Variants in MLLT3 observed in about 807,000 individuals in gnomAD.
The protein encoded by MLLT3 is MLLT3 super elongation complex subunit.
MLLT3 carries 4 observed loss-of-function variants against 53.2 expected under a neutral mutation model. The observed-to-expected ratio is 0.08, with a 90% CI of 0.04 to 0.17. The LOEUF is 0.17. Among genes scored for constraint, MLLT3 ranks in the 10% least tolerant of loss-of-function variants. The probability of loss-of-function intolerance (pLI) is 1.00; values close to 1 mark genes in which losing one functional copy is unlikely to be tolerated. For missense variants in MLLT3, 569 were observed against 684.0 expected (o/e 0.83, Z 1.87); for synonymous variants, 283 against 230.6 (o/e 1.23, Z -2.06).
chr9:20,577,291 A>T lies in MLLT3; in HGVS notation c.193+43363T>A, dbSNP rs557530735. ...CAGATGCACAAAAAAATCATGAAGT[A>T]GGCTAGACACTAACCTGATATATTC... On this transcript the variant is annotated intron_variant, in intron 2 of 10. Transcript: ENST00000380338. 2.2e-3 allele frequency among the ~76,000 whole-genome samples: 340 copies of T among 152,322 alleles called. 2 individuals carry two copies. The highest frequency in any genetic ancestry group is 8.0e-3 in the African/African-American group (332 of 41,566).
At chr9:20,438,169 A>G (rs1404786612) in intron 4 of MLLT3, among the ~76,000 whole-genome samples, 1 of 152,242 alleles carries the variant, frequency 6.6e-6, no homozygotes, top group Non-Finnish European at 1.5e-5. Context: ...AATTTTCAAG[A>G]AAGATGTATT....
chr9:20,410,912 T>C (rs1822711627), intron 5 of MLLT3, among the ~76,000 whole-genome samples: 2 of 152,218 alleles, frequency 1.3e-5, no homozygotes. Flanking sequence ...TTTGTGTCTT[T>C]TTTCTGTTTC....
Position 20,346,474 on chromosome 9 carries a change from T to C in MLLT3, c.1676A>G (p.Gln559Arg). The C allele has an allele frequency of 6.2e-7, 1 of 1,613,684 alleles. No homozygotes were observed. The highest frequency in any genetic ancestry group is 8.5e-7 in the Non-Finnish European group (1 of 1,179,788). The part of the protein sequence containing the change: ...SLDKTTVRKL[Q>R]SYLETSGTS ...TGTTCCAGATGTTTCCAGGTAACTCTGTAGTTTACGGACTGTGGTTTTGTC... is the reference window on the plus strand; with the variant it reads ...TGTTCCAGATGTTTCCAGGTAACTCCGTAGTTTACGGACTGTGGTTTTGTC... Residue 559 changes from glutamine (Q) to arginine (R), a missense_variant, in exon 11 of 11, where the codon CAG becomes CGG. Physicochemically the swap from Gln to Arg is conservative, Grantham distance 43. Around this residue, in one of 5 missense-constraint regions of MLLT3, gnomAD observed 45 missense variants for 85.5 expected, o/e 0.53. Transcript: ENST00000380338.
chr9:20,605,490 A>C (rs1193896219), intron 2 of MLLT3, among the ~76,000 whole-genome samples: 1 of 152,124 alleles, frequency 6.6e-6, no homozygotes, highest in Admixed American at 6.6e-5. Context: ...GTTAATAACC[A>C]CGGGTTCATA....
chr9:20,372,319 C>T (rs1821627181), intron 5 of MLLT3, among the ~76,000 whole-genome samples: 1 of 152,180 alleles, frequency 6.6e-6, no homozygotes, highest in Admixed American at 6.5e-5. Context: ...ACTGCACTAT[C>T]AAACAACCTC....
intron 5 of MLLT3, among the ~76,000 whole-genome samples, chr9:20,397,722 T>C (rs143864768): frequency 3.5e-4 from 54 of 152,312 alleles, no homozygotes; most frequent in Non-Finnish European, 6.8e-4. Flanking sequence ...AACATCTTCC[T>C]TTCTAAAATG....
chr9:20,391,363 G>T (rs1822175699), intron 5 of MLLT3, among the ~76,000 whole-genome samples: 1 of 152,128 alleles, frequency 6.6e-6, no homozygotes, highest in African/African-American at 2.4e-5. Context: ...GATCAACAAG[G>T]TAAACAAGAT....
chr9:20,514,872 T>C (rs1434896208), intron 2 of MLLT3, among the ~76,000 whole-genome samples: 4 of 152,166 alleles, frequency 2.6e-5, no homozygotes, highest in Non-Finnish European at 4.4e-5. Context: ...TGAAATGTGT[T>C]TCCTGGTTAC....
At chr9:20,490,620 A>G (rs1368719677) in intron 2 of MLLT3, among the ~76,000 whole-genome samples, 1 of 152,384 alleles carries the variant, frequency 6.6e-6, no homozygotes, top group East Asian at 1.9e-4. Context: ...GGAAACCCAC[A>G]GCAGAGAAAC....
intron 2 of MLLT3, among the ~76,000 whole-genome samples, chr9:20,546,406 C>T (rs944789391): frequency 2.0e-5 from 3 of 152,076 alleles, no homozygotes; most frequent in African/African-American, 7.2e-5. Context: ...TGGCACATGT[C>T]GTGGCACATG....
In MLLT3 at chr9:20,343,505, C is replaced by T; in HGVS notation, c.*2938G>A. ...AATATTGTTGCTAACATGACTGTTA[C>T]ATCCGAAGACAGAAGGAACCCCAAA... On this transcript the variant is annotated 3_prime_UTR_variant, in exon 11 of 11. Transcript: ENST00000380338. 4.4e-6 allele frequency: 1 copy of T among 227,774 alleles called. No homozygotes were observed. Among genetic ancestry groups the T allele is most frequent in the Non-Finnish European group, 8.7e-6 (1 of 114,690 alleles). 14.1% of individuals were successfully genotyped at this position (227,774 alleles called of 1,614,324 possible).
chr9:20,402,209 A>G (rs1822472460), intron 5 of MLLT3, among the ~76,000 whole-genome samples: 1 of 152,216 alleles, frequency 6.6e-6, no homozygotes, highest in Non-Finnish European at 1.5e-5. Context: ...CATGGTTTCT[A>G]CATTAGGATC....
chr9:20,590,966 T>C (rs1190987985), intron 2 of MLLT3, among the ~76,000 whole-genome samples: 1 of 152,014 alleles, frequency 6.6e-6, no homozygotes. Flanking sequence ...CCTAGTCTGG[T>C]CTTGAACTAC....
intron 2 of MLLT3, among the ~76,000 whole-genome samples, chr9:20,518,975 C>G (rs1257419047): frequency 6.6e-6 from 1 of 152,066 alleles, no homozygotes; most frequent in Non-Finnish European, 1.5e-5. Flanking sequence ...TTAACTAATG[C>G]TTTCATTAAT....
chr9:20,519,140 C>A (rs934794661), intron 2 of MLLT3, among the ~76,000 whole-genome samples: 14 of 151,976 alleles, frequency 9.2e-5, no homozygotes, highest in African/African-American at 3.4e-4. Flanking sequence ...TTGCTAAATA[C>A]AATCAATGTG....
chr9:20,540,859 G>C (rs946898568), intron 2 of MLLT3, among the ~76,000 whole-genome samples: 3 of 152,202 alleles, frequency 2.0e-5, no homozygotes, highest in East Asian at 1.9e-4. Flanking sequence ...TGGTCAGGCT[G>C]CAAATTTTCC....
intron 2 of MLLT3, among the ~76,000 whole-genome samples, chr9:20,574,113 C>T (rs549370336): frequency 6.6e-6 from 1 of 152,270 alleles, no homozygotes; most frequent in Admixed American, 6.5e-5. Context: ...CATCCAGGGT[C>T]TCTGATTCAG....
At chr9:20,381,699 G>A (rs1266792291) in intron 5 of MLLT3, among the ~76,000 whole-genome samples, 3 of 151,748 alleles carry the variant, frequency 2.0e-5, no homozygotes, top group African/African-American at 7.2e-5. Context: ...TACCCTAGTG[G>A]TTAGATAACA....
chr9:20,580,721 C>G (rs1292974063), intron 2 of MLLT3, among the ~76,000 whole-genome samples: 2 of 152,120 alleles, frequency 1.3e-5, no homozygotes, highest in African/African-American at 4.8e-5. Flanking sequence ...ACAAACATGG[C>G]TAGAGGTAAA....
Sources: gnomAD v4.1 joint callset for allele counts (sites outside exome capture counted in the v4.1 genomes callset) on GRCh38, gnomAD v4.1.1 for gene constraint, gnomAD v4.1.1 regional missense constraint, MANE v1.5 for transcripts, NCBI Gene and HGNC (gene_info 2026-07-23, HGNC 2026-07-21) for gene names.